The following TENM2 variants were observed in gnomAD, a reference collection of about 807,000 sequenced individuals.
TENM2 encodes teneurin-2.
Under a neutral mutation model 245.2 loss-of-function variants are expected in TENM2, and 52 were observed. That is an observed-to-expected ratio of 0.21 (90% CI 0.17 to 0.27). The LOEUF is 0.27. Ranked by LOEUF, TENM2 falls within the 10% of genes least tolerant of loss-of-function variation. The pLI, the probability that TENM2 is intolerant of heterozygous loss-of-function variation, is 1.00. For synonymous variants in TENM2, 1,363 were observed against 1,438.9 expected (o/e 0.95, Z 1.19); for missense variants, 3,046 against 3,666.8 (o/e 0.83, Z 4.37).
intron 3 of TENM2, among the ~76,000 whole-genome samples, chr5:167,930,535 C>T (rs184915696): frequency 7.7e-4 from 117 of 152,050 alleles, no homozygotes; most frequent in Non-Finnish European, 1.3e-3. Context: ...AGTGCAATGG[C>T]TTGACCATAG....
chr5:167,341,335 T>C (rs1758086528), intron 1 of TENM2, among the ~76,000 whole-genome samples: 1 of 152,212 alleles, frequency 6.6e-6, no homozygotes, highest in Non-Finnish European at 1.5e-5. Context: ...GATGGATTTT[T>C]CAGTATTTTT....
At chr5:166,984,710 G>T in the TENM2 span, among the ~76,000 whole-genome samples, 1 of 152,054 alleles carries the variant, frequency 6.6e-6, no homozygotes, top group African/African-American at 2.4e-5. Flanking sequence ...CTATATTCGT[G>T]CATATGGCTA....
chr5:168,158,807 ATGTGTG>A lies in TENM2; in HGVS notation c.2423-3786_2423-3781del, dbSNP rs371329253. Among the ~76,000 whole-genome samples the A allele has an allele frequency of 1.4e-3, 114 of 80,470 alleles. 2 individuals carry two copies. Among genetic ancestry groups the A allele is most frequent in the African/African-American group, 5.8e-3 (94 of 16,260 alleles). 52.8% of individuals were successfully genotyped at this position (80,470 alleles called of 152,430 possible). On this transcript the variant is annotated intron_variant, in intron 12 of 28. Coordinates refer to ENST00000518659, the Ensembl canonical transcript of TENM2. ...AAACTCCATCTCTACTAAAAAAAAA[ATGTGTG>A]TGTGTGTGTGTGTGTGTATATATAT...
intron 7 of TENM2, chr5:168,087,432 A>C (rs998574311): frequency 6.6e-6 from 1 of 152,290 alleles, no homozygotes; most frequent in Admixed American, 6.5e-5. Context: ...ACATAGTGAA[A>C]TCCCATCTCT....
chr5:167,091,531 A>G, the TENM2 span, among the ~76,000 whole-genome samples: 1 of 152,214 alleles, frequency 6.6e-6, no homozygotes, highest in South Asian at 2.1e-4. Context: ...CATTGCTGGT[A>G]AAGAGTTGGA....
Position 167,831,356 on chromosome 5 carries a change from C to T in TENM2, c.503-44630C>T, listed in dbSNP as rs528737494. ...AAATAAAGTAGCCAAATGGAAGACCCACTCATGCATATCTTCAGGTCCTCT... is the reference window on the plus strand; with the variant it reads ...AAATAAAGTAGCCAAATGGAAGACCTACTCATGCATATCTTCAGGTCCTCT... On this transcript the variant is annotated intron_variant, in intron 2 of 28. Coordinates refer to ENST00000518659, the Ensembl canonical transcript of TENM2. Among the ~76,000 whole-genome samples the T allele has an allele frequency of 4.9e-4, 74 of 152,156 alleles. 1 individual carries two copies. The South Asian group carries it at 6.0e-3, about 12-fold the overall frequency.
At chr5:167,738,265 G>T (rs1475076652) in intron 2 of TENM2, among the ~76,000 whole-genome samples, 1 of 152,186 alleles carries the variant, frequency 6.6e-6, no homozygotes, top group Non-Finnish European at 1.5e-5. Flanking sequence ...TAAGAGCGTA[G>T]CATTGGGGGG....
the TENM2 span, among the ~76,000 whole-genome samples, chr5:167,154,267 A>C: frequency 6.6e-6 from 1 of 152,202 alleles, no homozygotes. Flanking sequence ...AGTTTGGAAC[A>C]TGTATTTTAA....
chr5:167,734,330 G>T (rs969283903), intron 2 of TENM2, among the ~76,000 whole-genome samples: 30 of 151,822 alleles, frequency 2.0e-4, no homozygotes, highest in African/African-American at 7.0e-4. Context: ...TATCTCAAAG[G>T]TCCTTTTAAA....
chr5:168,248,297 C>T lies in TENM2; in HGVS notation c.7358C>T (p.Ala2453Val), dbSNP rs747148483. 4.3e-6 allele frequency: 7 copies of T among 1,613,874 alleles called. No homozygotes were observed. Among genetic ancestry groups the T allele is most frequent in the Non-Finnish European group, 5.9e-6 (7 of 1,179,898 alleles). ...TGGAAAAACGTGGGCAAGGAGCCGG[C>T]CCCCTTTAACCTGTATATGTTCAAG... is the stretch of plus-strand genomic sequence containing the variant. The change falls in exon 27 of 29, where the codon GCC becomes GTC. Residue 2453 changes from alanine (A) to valine (V), a missense_variant. Ala to Val is a moderately conservative substitution (Grantham distance 64). Around this residue, in one of 2 missense-constraint regions of TENM2, gnomAD observed 2,704 missense variants for 3,331.9 expected, o/e 0.81. Transcript: ENST00000518659.
At chr5:168,107,415 G>A (rs915050820) in intron 9 of TENM2, among the ~76,000 whole-genome samples, 1 of 152,086 alleles carries the variant, frequency 6.6e-6, no homozygotes, top group African/African-American at 2.4e-5. Flanking sequence ...TCCCACAATG[G>A]TTATAAAAGC....
At chr5:167,766,809 G>A (rs1481033382) in intron 2 of TENM2, among the ~76,000 whole-genome samples, 3 of 152,082 alleles carry the variant, frequency 2.0e-5, no homozygotes, top group Non-Finnish European at 4.4e-5. Context: ...AACCTGGGAG[G>A]CGAAGGTTGC....
At chr5:167,721,531 C>A in intron 2 of TENM2, 1 of 152,178 alleles carries the variant, frequency 6.6e-6, no homozygotes, top group East Asian at 1.9e-4. Flanking sequence ...AGGCTGTTTC[C>A]ATTCCTTGGT....
At chr5:167,511,079 G>A (rs1053481812) in intron 2 of TENM2, among the ~76,000 whole-genome samples, 3 of 152,088 alleles carry the variant, frequency 2.0e-5, no homozygotes, top group African/African-American at 7.2e-5. Flanking sequence ...TATCCCACAT[G>A]TATTACATAC....
At chr5:167,406,521 A>G (rs1762647650) in intron 2 of TENM2, among the ~76,000 whole-genome samples, 1 of 152,160 alleles carries the variant, frequency 6.6e-6, no homozygotes, top group African/African-American at 2.4e-5. Context: ...TTACTTTATC[A>G]GTTGGATTGT....
chr5:168,119,921 G>A (rs946648782), intron 10 of TENM2, among the ~76,000 whole-genome samples: 1 of 152,068 alleles, frequency 6.6e-6, no homozygotes, highest in African/African-American at 2.4e-5. Flanking sequence ...GGCTAACAAG[G>A]GATCTCAGGT....
At chr5:167,698,020 G>A (rs72830076) in intron 2 of TENM2, among the ~76,000 whole-genome samples, 9,605 of 150,870 alleles carry the variant, frequency 0.064, 329 homozygotes, top group South Asian at 0.098. Context: ...ACAAGTGCTC[G>A]GTATTTGCCT....
chr5:167,371,473 T>G (rs1335767904), intron 1 of TENM2, among the ~76,000 whole-genome samples: 1 of 151,086 alleles, frequency 6.6e-6, no homozygotes, highest in East Asian at 2.0e-4. Context: ...GCGACTCTCC[T>G]GCCTTGGCCT....
intron 9 of TENM2, among the ~76,000 whole-genome samples, chr5:168,102,083 T>G (rs1366278424): frequency 2.0e-5 from 3 of 151,844 alleles, no homozygotes; most frequent in Non-Finnish European, 4.4e-5. Context: ...TTTGTTGTTG[T>G]TTTTTTTGAG....
Sources: allele counts gnomAD v4.1 joint callset (sites outside exome capture counted in the v4.1 genomes callset), GRCh38; gene constraint gnomAD v4.1.1; regional missense constraint gnomAD v4.1.1; transcripts MANE v1.5; gene names NCBI Gene and HGNC (gene_info 2026-07-23, HGNC 2026-07-21).